PTPRO: variants seen among roughly 807,000 people sequenced by gnomAD.
PTPRO encodes the protein protein tyrosine phosphatase receptor type O, also known as receptor-type tyrosine-protein phosphatase O.
In PTPRO, 62 loss-of-function variants were observed where a neutral mutation model predicts 145.2. That is an observed-to-expected ratio of 0.43 (90% CI 0.35 to 0.53). The LOEUF is 0.53. PTPRO is among the 20% of genes least tolerant of loss of function. The pLI, the probability that PTPRO is intolerant of heterozygous loss-of-function variation, is 0.01. For synonymous variants in PTPRO, 565 were observed against 514.7 expected, an observed-to-expected ratio of 1.10 and a Z score of -1.32; for missense variants, 1,345 against 1,482.7, an observed-to-expected ratio of 0.91 and a Z score of 1.53.
intron 12 of PTPRO, among the ~76,000 whole-genome samples, chr12:15,543,159 A>G (rs1430674452): frequency 6.6e-6 from 1 of 152,218 alleles, no homozygotes. Flanking sequence ...TGATTTATGT[A>G]TGTATTCATT....
intron 2 of PTPRO, among the ~76,000 whole-genome samples, chr12:15,491,241 A>G (rs984104978): frequency 6.6e-6 from 1 of 152,258 alleles, no homozygotes; most frequent in African/African-American, 2.4e-5. Context: ...CAGAAGAGAC[A>G]CATTCTTCAG....
chr12:15,570,382 T>C (rs1944017335), intron 19 of PTPRO, among the ~76,000 whole-genome samples: 1 of 152,146 alleles, frequency 6.6e-6, no homozygotes, highest in Admixed American at 6.5e-5. Flanking sequence ...TGCTTTTTCT[T>C]CAGTTTTTAA....
intron 26 of PTPRO, 119 bp downstream of exon 26, chr12:15,595,176 T>G (rs1210129889): frequency 2.8e-6 from 2 of 726,562 alleles, no homozygotes; most frequent in African/African-American, 3.5e-5. Context: ...ACATGAGTAT[T>G]TCTTCCCAGC....
intron 12 of PTPRO, among the ~76,000 whole-genome samples, chr12:15,533,829 A>G (rs1010229579): frequency 3.3e-5 from 5 of 152,160 alleles, no homozygotes; most frequent in African/African-American, 1.2e-4. Context: ...TGGGGCCGTA[A>G]CTGGTTGGGC....
chr12:15,486,479 T>A (rs1265760061), intron 2 of PTPRO, among the ~76,000 whole-genome samples: 14 of 152,174 alleles, frequency 9.2e-5, no homozygotes, highest in Non-Finnish European at 1.6e-4. Flanking sequence ...TTGCTTTTTT[T>A]TTCCAATCTA....
rs1175494785 is a variant in PTPRO, at chr12:15,581,320, A to G, written c.3133-359A>G. Among the ~76,000 whole-genome samples the G allele has an allele frequency of 8.3e-5, 3 of 36,144 alleles. No individual in the cohort carries two copies. In the East Asian group the frequency reaches 2.5e-3, roughly 30 times the overall value. 23.7% of individuals were successfully genotyped at this position (36,144 alleles called of 152,430 possible). ...TTTCTTTTTTTTTTTTTTTTTTTTG[A>G]GACGGAGTCTCGTTCTGTTGCCCAG... On this transcript the variant is annotated intron_variant, in intron 22 of 26. Transcript: ENST00000281171.
chr12:15,580,306 T>C (rs1370707691), intron 21 of PTPRO, among the ~76,000 whole-genome samples, 191 bp downstream of exon 21: 1 of 152,262 alleles, frequency 6.6e-6, no homozygotes, highest in Non-Finnish European at 1.5e-5. Flanking sequence ...CTAATGTTTC[T>C]ATTTCTTTAT....
At chr12:15,593,629 CTAA>C (rs959199172) in intron 25 of PTPRO, among the ~76,000 whole-genome samples, 17 of 152,156 alleles carry the variant, frequency 1.1e-4, no homozygotes, top group Non-Finnish European at 7.4e-5. Context: ...TAAGGACAGA[CTAA>C]TGTTTCATTA....
intron 12 of PTPRO, among the ~76,000 whole-genome samples, chr12:15,526,545 T>A (rs969024207): frequency 5.3e-5 from 8 of 152,188 alleles, no homozygotes; most frequent in Non-Finnish European, 1.2e-4. Flanking sequence ...CATTAGAGAT[T>A]ATCTAATGCA....
rs766057823 is a variant in PTPRO, at chr12:15,594,994, C to G, written c.3604C>G (p.Gln1202Glu). 1.2e-6 allele frequency: 2 copies of G among 1,613,890 alleles called. No homozygotes were observed. The highest frequency in any genetic ancestry group is 1.7e-5 in the Admixed American group (1 of 60,022). Residue 1202 changes from glutamine (Q) to glutamate (E), a missense_variant, in exon 26 of 27, where the codon CAG (glutamine) becomes GAG (glutamate). By Grantham distance (29) the Gln-to-Glu change is conservative (BLOSUM62 2). Coordinates refer to ENST00000281171, the MANE Select transcript of PTPRO (RefSeq NM_030667.3). ...VQLMWMKKKQ[Q>E]FCISDVIYEN... is the part of the protein sequence containing the mutation. The stretch of plus-strand genomic sequence containing the variant: ...ACTGATGTGGATGAAGAAGAAGCAG[C>G]AGTTCTGCATCAGTGATGTCATATA...
chr12:15,509,815 C>T (rs554759069), intron 7 of PTPRO, among the ~76,000 whole-genome samples: 6 of 152,136 alleles, frequency 3.9e-5, no homozygotes, highest in East Asian at 1.9e-4. Flanking sequence ...CAGGCAGAGA[C>T]GGTGTGCAAC....
chr12:15,580,916 G>A (rs2135644763), intron 22 of PTPRO, 85 bp downstream of exon 22: 1 of 1,545,402 alleles, frequency 6.5e-7, no homozygotes, highest in East Asian at 2.2e-5. Flanking sequence ...TGTTTTCAAA[G>A]TCAAATAAAA....
At chr12:15,442,640 C>T (rs753320046) in intron 1 of PTPRO, among the ~76,000 whole-genome samples, 1 of 152,018 alleles carries the variant, frequency 6.6e-6, no homozygotes, top group Admixed American at 6.6e-5. Flanking sequence ...ATGACTTCAG[C>T]GAAGTTTCAG....
chr12:15,484,575 A>AT (rs199821565), intron 2 of PTPRO, among the ~76,000 whole-genome samples: 3,010 of 152,080 alleles, frequency 0.02, 112 homozygotes, highest in East Asian at 0.14. Flanking sequence ...TAACTTGTTT[A>AT]TTTTTTTCCA....
intron 1 of PTPRO, among the ~76,000 whole-genome samples, chr12:15,324,886 C>G (rs1390756777): frequency 6.6e-6 from 1 of 151,932 alleles, no homozygotes; most frequent in African/African-American, 2.4e-5. Context: ...TTACATGGTG[C>G]GTTGGGCACA....
chr12:15,568,585 G>A (rs1184463683), intron 18 of PTPRO, among the ~76,000 whole-genome samples: 1 of 152,204 alleles, frequency 6.6e-6, no homozygotes, highest in East Asian at 1.9e-4. Context: ...GAATTCTGCA[G>A]AAGCAGAGAG....
intron 1 of PTPRO, among the ~76,000 whole-genome samples, chr12:15,348,867 A>G (rs2136228210): frequency 6.6e-6 from 1 of 152,322 alleles, no homozygotes; most frequent in Non-Finnish European, 1.5e-5. Flanking sequence ...AGTGAGACCC[A>G]TGCCAGACTT....
chr12:15,356,902 G>T (rs1938009943), intron 1 of PTPRO, among the ~76,000 whole-genome samples: 1 of 151,978 alleles, frequency 6.6e-6, no homozygotes. Context: ...GTGTGGTATT[G>T]GCTAGGGAGG....
At chr12:15,437,854 G>T (rs115870038) in intron 1 of PTPRO, among the ~76,000 whole-genome samples, 4,365 of 152,260 alleles carry the variant, frequency 0.029, 228 homozygotes, top group African/African-American at 0.099. Flanking sequence ...TGCATCAGGG[G>T]ACCTCCAGGC....
Sources: gnomAD v4.1 joint callset for allele counts (sites outside exome capture counted in the v4.1 genomes callset) on GRCh38, gnomAD v4.1.1 for gene constraint, MANE v1.5 for transcripts, NCBI Gene and HGNC (gene_info 2026-07-23, HGNC 2026-07-21) for gene names.